Variants in GABRG3 observed in about 807,000 individuals in gnomAD.
GABRG3 encodes gamma-aminobutyric acid receptor subunit gamma-3.
A neutral mutation model predicts 48.8 loss-of-function variants in GABRG3; 25 were observed. That is an observed-to-expected ratio of 0.51 (90% CI 0.37 to 0.72). The LOEUF (loss-of-function observed/expected upper bound fraction) is 0.72. Ranked by LOEUF, GABRG3 falls within the 30% of genes least tolerant of loss-of-function variation. The probability of loss-of-function intolerance (pLI) is 0.00; values close to 1 mark genes in which losing one functional copy is unlikely to be tolerated. For synonymous variants in GABRG3, 227 were observed against 217.6 expected, an observed-to-expected ratio of 1.04 and a Z score of -0.38; for missense variants, 394 against 577.9, an observed-to-expected ratio of 0.68 and a Z score of 3.26.
At chr15:26,977,186 A>T (rs752645294) in intron 2 of GABRG3, 36 bp downstream of exon 2, 2 of 1,593,730 alleles carry the variant, frequency 1.3e-6, no homozygotes, top group Non-Finnish European at 1.7e-6. Context: ...ATAGAAAAAT[A>T]TGCTGTAGTG....
rs778222775 is a variant in GABRG3 at position 27,132,471 on chromosome 15, G to GGTTTTTTTTTT, written c.270+105650_270+105651insGTTTTTTTTTT. On this transcript the variant is annotated intron_variant, in intron 3 of 9. Transcript: ENST00000615808. Reference sequence around the variant, plus strand: ...TGATTCAATCTTCCCAGTAGTTACAGTTTTTTTTTTTTTTTTTTTTTTTTT... The same window carrying GGTTTTTTTTTT: ...TGATTCAATCTTCCCAGTAGTTACAGGTTTTTTTTTTTTTTTTTTTTTTTTTTTTTTTTTTT... Among the ~76,000 whole-genome samples the GGTTTTTTTTTT allele has an allele frequency of 2.5e-4, 10 of 39,594 alleles. 3 individuals are homozygous for GGTTTTTTTTTT. Among genetic ancestry groups the GGTTTTTTTTTT allele is most frequent in the African/African-American group, 4.4e-4 (5 of 11,312 alleles). 26.0% of individuals were successfully genotyped at this position (39,594 alleles called of 152,430 possible). A position where few individuals can be genotyped will look rare whatever the true frequency, so the allele number is the denominator to read the frequency against.
At chr15:27,227,002 G>GA (rs892719028) in intron 3 of GABRG3, among the ~76,000 whole-genome samples, 1 of 151,598 alleles carries the variant, frequency 6.6e-6, no homozygotes, top group Non-Finnish European at 1.5e-5. Flanking sequence ...TGATATCAGG[G>GA]AAAAAAAACT....
At chr15:27,465,460 G>A (rs527252352) in intron 5 of GABRG3, among the ~76,000 whole-genome samples, 7 of 152,300 alleles carry the variant, frequency 4.6e-5, no homozygotes, top group African/African-American at 7.2e-5. Flanking sequence ...TGCAGCATCC[G>A]TTCCAAGGAC....
chr15:27,532,099 A>T (rs893075225), intron 9 of GABRG3, among the ~76,000 whole-genome samples: 8 of 152,206 alleles, frequency 5.3e-5, no homozygotes, highest in African/African-American at 1.9e-4. Context: ...TTCAATATAC[A>T]TACTGTTTCA....
At chr15:27,337,844 A>T (rs370065474) in intron 5 of GABRG3, among the ~76,000 whole-genome samples, 3 of 152,152 alleles carry the variant, frequency 2.0e-5, no homozygotes, top group African/African-American at 7.2e-5. Flanking sequence ...TAAATCTCTC[A>T]CACACACAAA....
chr15:27,397,623 G>C (rs896631639), intron 5 of GABRG3, among the ~76,000 whole-genome samples: 1 of 151,904 alleles, frequency 6.6e-6, no homozygotes, highest in Non-Finnish European at 1.5e-5. Context: ...GCCTCTGCTC[G>C]TCTATGGTTT....
intron 5 of GABRG3, among the ~76,000 whole-genome samples, chr15:27,403,904 CAAAAAAAAA>C (rs1887546239): frequency 2.6e-5 from 1 of 39,200 alleles, no homozygotes; most frequent in African/African-American, 1.3e-4. Flanking sequence ...AAGCCAGACT[CAAAAAAAAA>C]CAAAAAAAAA....
chr15:27,058,756 C>G (rs2140720163), intron 3 of GABRG3, among the ~76,000 whole-genome samples: 1 of 152,166 alleles, frequency 6.6e-6, no homozygotes, highest in Non-Finnish European at 1.5e-5. Context: ...CTATTAGAAA[C>G]CAGTAAGTTC....
chr15:27,460,364 G>T (rs1178626878), intron 5 of GABRG3, among the ~76,000 whole-genome samples: 3 of 152,160 alleles, frequency 2.0e-5, no homozygotes, highest in Admixed American at 6.5e-5. Flanking sequence ...GGTCTGCTTG[G>T]CAGGTGCACT....
intron 5 of GABRG3, among the ~76,000 whole-genome samples, chr15:27,415,898 C>T (rs900820369): frequency 1.3e-5 from 2 of 152,120 alleles, no homozygotes; most frequent in Admixed American, 6.5e-5. Context: ...CTATGGTCAC[C>T]TTACTGAGCA....
chr15:27,136,405 T>C (rs1167728181), intron 3 of GABRG3, among the ~76,000 whole-genome samples: 4 of 152,202 alleles, frequency 2.6e-5, no homozygotes, highest in African/African-American at 4.8e-5. Flanking sequence ...AAATTATGTC[T>C]GAACATAATT....
At chr15:26,978,238 T>C (rs1260567032) in intron 2 of GABRG3, among the ~76,000 whole-genome samples, 2 of 152,180 alleles carry the variant, frequency 1.3e-5, no homozygotes, top group African/African-American at 2.4e-5. Flanking sequence ...GAGTTCTCTG[T>C]ATATCCTAGG....
At chr15:27,005,562 T>C (rs1314507135) in intron 2 of GABRG3, among the ~76,000 whole-genome samples, 1 of 152,218 alleles carries the variant, frequency 6.6e-6, no homozygotes, top group Non-Finnish European at 1.5e-5. Flanking sequence ...CTCAAGCCTC[T>C]GATCTAGAAC....
At chr15:27,117,862 CT>C (rs1897669152) in intron 3 of GABRG3, among the ~76,000 whole-genome samples, 1 of 152,136 alleles carries the variant, frequency 6.6e-6, no homozygotes, top group African/African-American at 2.4e-5. Context: ...CAAGAATGCC[CT>C]CTAGAGAAAG....
Position 27,313,282 on chromosome 15 carries a change from A to ATG in GABRG3, c.271-13526_271-13525insGT, listed in dbSNP as rs1566779181. On this transcript the variant is annotated intron_variant, in intron 3 of 9. Coordinates refer to ENST00000615808, the MANE Select transcript of GABRG3 (RefSeq NM_033223.5). The stretch of plus-strand genomic sequence containing the variant: ...TGTGTGTATATATATATATATATAT[A>ATG]TATATATATATATATATATATATAT... 5.3e-5 allele frequency among the ~76,000 whole-genome samples: 5 copies of ATG among 94,910 alleles called. No individual in the cohort carries two copies. The South Asian group carries it at 1.2e-3, about 22-fold the overall frequency. The allele number at this position is 94,910 out of a possible 152,430, so 62.3% of individuals were successfully genotyped here.
At chr15:26,980,339 T>C (rs1263019597) in intron 2 of GABRG3, among the ~76,000 whole-genome samples, 2 of 152,188 alleles carry the variant, frequency 1.3e-5, no homozygotes, top group Non-Finnish European at 2.9e-5. Context: ...CCTTTATTTT[T>C]CTTGCTTTGG....
intron 5 of GABRG3, among the ~76,000 whole-genome samples, chr15:27,422,836 G>A (rs951595325): frequency 2.6e-5 from 4 of 152,174 alleles, no homozygotes; most frequent in Admixed American, 2.6e-4. Context: ...GAACTCACAA[G>A]GCAAAAGAGC....
At chr15:27,038,119 C>T (rs766692415) in intron 3 of GABRG3, among the ~76,000 whole-genome samples, 8 of 152,124 alleles carry the variant, frequency 5.3e-5, no homozygotes, top group Non-Finnish European at 8.8e-5. Context: ...CATCTCAGTC[C>T]GGTTGGCCAC....
intron 3 of GABRG3, among the ~76,000 whole-genome samples, chr15:27,070,786 CTAAAG>C (rs1001801993): frequency 6.6e-6 from 1 of 152,156 alleles, no homozygotes; most frequent in African/African-American, 2.4e-5. Context: ...AAATAAATCA[CTAAAG>C]TAAGTGTTTC....
Sources: gnomAD v4.1 joint callset for allele counts (sites outside exome capture counted in the v4.1 genomes callset) on GRCh38, gnomAD v4.1.1 for gene constraint, MANE v1.5 for transcripts, NCBI Gene and HGNC (gene_info 2026-07-23, HGNC 2026-07-21) for gene names.